The following KLHL1 variants were observed in gnomAD, a reference collection of about 807,000 sequenced individuals.
KLHL1 encodes kelch-like protein 1.
A neutral mutation model predicts 77.7 loss-of-function variants in KLHL1; 47 were observed. The observed-to-expected ratio is 0.60, with a 90% CI of 0.48 to 0.77. The LOEUF is 0.77. Ranked by LOEUF, KLHL1 falls within the 30% of genes least tolerant of loss-of-function variation. The pLI, the probability that KLHL1 is intolerant of heterozygous loss-of-function variation, is 0.00. For missense variants in KLHL1, 925 were observed against 910.8 expected (o/e 1.02, Z -0.20); for synonymous variants, 360 against 325.2 (o/e 1.11, Z -1.15).
At chr13:70,094,956 T>C (rs1177196403) in intron 1 of KLHL1, among the ~76,000 whole-genome samples, 1 of 152,196 alleles carries the variant, frequency 6.6e-6, no homozygotes, top group Non-Finnish European at 1.5e-5. Flanking sequence ...TACCAATGGC[T>C]ATCTTCTATA....
intron 4 of KLHL1, among the ~76,000 whole-genome samples, chr13:69,884,741 T>C (rs1881131362): frequency 6.6e-6 from 1 of 152,168 alleles, no homozygotes; most frequent in African/African-American, 2.4e-5. Context: ...TTCTCCTGAA[T>C]AAATTGGTTT....
intron 1 of KLHL1, among the ~76,000 whole-genome samples, chr13:70,071,120 G>C (rs891872889): frequency 5.3e-5 from 8 of 151,892 alleles, no homozygotes; most frequent in East Asian, 1.9e-4. Context: ...CAGAGACTCT[G>C]AGACTTGAAA....
At chr13:69,991,329 A>T (rs1885022724) in intron 1 of KLHL1, among the ~76,000 whole-genome samples, 2 of 151,802 alleles carry the variant, frequency 1.3e-5, no homozygotes, top group Non-Finnish European at 2.9e-5. Context: ...GAATATAGAG[A>T]CACACAAAAA....
chr13:69,897,299 A>G (rs1405378098), intron 4 of KLHL1, among the ~76,000 whole-genome samples: 1 of 152,150 alleles, frequency 6.6e-6, no homozygotes, highest in Non-Finnish European at 1.5e-5. Flanking sequence ...TTACCTGGCT[A>G]TTACTCATGG....
intron 3 of KLHL1, among the ~76,000 whole-genome samples, chr13:69,949,944 A>G (rs2137253013): frequency 6.6e-6 from 1 of 151,806 alleles, no homozygotes; most frequent in South Asian, 2.1e-4. Context: ...TGTCAGAGAG[A>G]AAATCCTAGT....
chr13:69,932,628 G>A (rs1221615794), intron 4 of KLHL1, among the ~76,000 whole-genome samples: 1 of 151,732 alleles, frequency 6.6e-6, no homozygotes, highest in African/African-American at 2.4e-5. Context: ...ACCTATGACA[G>A]CTCTTAAAAA....
intron 4 of KLHL1, among the ~76,000 whole-genome samples, chr13:69,884,225 T>TATA (rs1274634266): frequency 6.6e-6 from 1 of 152,118 alleles, no homozygotes; most frequent in Non-Finnish European, 1.5e-5. Context: ...ACATTAATTG[T>TATA]ATAATAATAA....
At chr13:69,782,600 A>G (rs1477782790) in intron 7 of KLHL1, among the ~76,000 whole-genome samples, 1 of 152,210 alleles carries the variant, frequency 6.6e-6, no homozygotes, top group African/African-American at 2.4e-5. Flanking sequence ...GCAAGGCAGC[A>G]GCAAGGCTAG....
At chr13:69,990,282 C>T (rs1884993079) in intron 1 of KLHL1, among the ~76,000 whole-genome samples, 1 of 151,446 alleles carries the variant, frequency 6.6e-6, no homozygotes, top group Non-Finnish European at 1.5e-5. Context: ...TAATAACCAG[C>T]TAACAACACA....
chr13:69,867,978 T>A (rs1381376070), intron 5 of KLHL1, among the ~76,000 whole-genome samples: 1 of 151,910 alleles, frequency 6.6e-6, no homozygotes, highest in Non-Finnish European at 1.5e-5. Context: ...GTTGTGCACA[T>A]GTACCCTAAA....
In KLHL1 at chr13:69,804,899, T is replaced by A. The variant is rs192820072; in HGVS notation, c.1415-7937A>T. On this transcript the variant is annotated intron_variant, in intron 6 of 10. Transcript: ENST00000377844. ...TTTGGAATAGTTTAAAATCAAAAAA[T>A]TTTTTATGATCCATAACACATAAGA... is the stretch of plus-strand genomic sequence containing the variant. Among the ~76,000 whole-genome samples the A allele has an allele frequency of 4.6e-5, 7 of 152,202 alleles. No homozygotes were observed. In the East Asian group the frequency reaches 5.8e-4, roughly 13 times the overall value.
intron 4 of KLHL1, among the ~76,000 whole-genome samples, chr13:69,924,707 G>A (rs1048443257): frequency 1.3e-5 from 2 of 152,182 alleles, no homozygotes; most frequent in East Asian, 1.9e-4. Flanking sequence ...TGCTCATCAC[G>A]TTGTGTACAA....
chr13:69,811,100 C>A (rs1455755330), intron 6 of KLHL1, among the ~76,000 whole-genome samples: 2 of 151,928 alleles, frequency 1.3e-5, no homozygotes, highest in African/African-American at 4.8e-5. Flanking sequence ...AGGAGGGGGG[C>A]CTCCTCCCTA....
At chr13:69,783,405 G>A (rs1474105490) in intron 7 of KLHL1, among the ~76,000 whole-genome samples, 1 of 152,034 alleles carries the variant, frequency 6.6e-6, no homozygotes, top group East Asian at 1.9e-4. Flanking sequence ...CAAACCAATG[G>A]CAAAGCAGTT....
chr13:69,760,791 C>T (rs1401334027), intron 7 of KLHL1, among the ~76,000 whole-genome samples: 1 of 152,068 alleles, frequency 6.6e-6, no homozygotes, highest in Non-Finnish European at 1.5e-5. Context: ...CCTGGATGAG[C>T]CTAAGGGGGG....
chr13:69,761,266 T>C (rs558326291), intron 7 of KLHL1, among the ~76,000 whole-genome samples: 9 of 152,144 alleles, frequency 5.9e-5, no homozygotes, highest in African/African-American at 2.2e-4. Context: ...AAAACAGAAA[T>C]TGAGATGCAG....
intron 1 of KLHL1, among the ~76,000 whole-genome samples, chr13:70,054,071 CTGTCA>C (rs1886689665): frequency 6.6e-6 from 1 of 152,088 alleles, no homozygotes; most frequent in South Asian, 2.1e-4. Flanking sequence ...ATTAGCTCCT[CTGTCA>C]CTTTGCTCAG....
intron 5 of KLHL1, among the ~76,000 whole-genome samples, chr13:69,856,235 C>T (rs113515547): frequency 9.2e-5 from 14 of 152,020 alleles, no homozygotes; most frequent in African/African-American, 3.4e-4. Context: ...TTTCAAAGGG[C>T]AGGTATAGTC....
At chr13:69,884,035 G>A (rs141325627) in intron 4 of KLHL1, among the ~76,000 whole-genome samples, 21 of 152,274 alleles carry the variant, frequency 1.4e-4, no homozygotes, top group South Asian at 4.1e-4. Context: ...CATTGTGACC[G>A]TGCTAAACAG....
Sources: gnomAD v4.1 joint callset for allele counts (sites outside exome capture counted in the v4.1 genomes callset) on GRCh38, gnomAD v4.1.1 for gene constraint, MANE v1.5 for transcripts, NCBI Gene and HGNC (gene_info 2026-07-23, HGNC 2026-07-21) for gene names.